Variants in RORA observed in about 807,000 individuals in gnomAD.
The protein encoded by RORA is RAR related orphan receptor A.
A neutral mutation model predicts 69.5 loss-of-function variants in RORA; 7 were observed. The observed-to-expected ratio is 0.10, with a 90% CI of 0.06 to 0.19. The LOEUF is 0.19. RORA is among the 10% of genes least tolerant of loss of function. The pLI is 1.00. For synonymous variants in RORA, 261 were observed against 240.8 expected, an observed-to-expected ratio of 1.08 and a Z score of -0.78; for missense variants, 457 against 663.0, an observed-to-expected ratio of 0.69 and a Z score of 3.41.
intron 1 of RORA, among the ~76,000 whole-genome samples, chr15:60,707,744 G>C (rs1200546705): frequency 6.6e-6 from 1 of 152,098 alleles, no homozygotes; most frequent in Non-Finnish European, 1.5e-5. Flanking sequence ...TAACCTCGTT[G>C]ACCTCTTCCT....
At chr15:60,911,155 G>C (rs1566906546) in intron 1 of RORA, among the ~76,000 whole-genome samples, 2 of 133,530 alleles carry the variant, frequency 1.5e-5, no homozygotes, top group Non-Finnish European at 3.1e-5. Flanking sequence ...GGCTGGTCTC[G>C]AATTCCTGAC....
chr15:60,775,598 C>T (rs1005456914), intron 1 of RORA, among the ~76,000 whole-genome samples: 1 of 152,118 alleles, frequency 6.6e-6, no homozygotes, highest in Non-Finnish European at 1.5e-5. Flanking sequence ...TTGCTCTTTT[C>T]CCCTCCCTGA....
chr15:60,610,152 G>A (rs541423188), intron 2 of RORA, among the ~76,000 whole-genome samples: 3 of 151,152 alleles, frequency 2.0e-5, no homozygotes, highest in Admixed American at 2.0e-4. Context: ...AGCTCACGTG[G>A]CAATGTCCTT....
chr15:61,102,519 A>G (rs2078894272), intron 1 of RORA, among the ~76,000 whole-genome samples: 3 of 152,076 alleles, frequency 2.0e-5, no homozygotes, highest in Admixed American at 6.6e-5. Flanking sequence ...CTGACATCCA[A>G]AGCTCTTCTT....
rs559900574 is a variant in RORA at position 60,663,608 on chromosome 15, A to G, written c.196+15049T>C. On this transcript the variant is annotated intron_variant, in intron 2 of 10. Coordinates refer to ENST00000335670, the MANE Select transcript of RORA (RefSeq NM_134261.3). ...GTAGTTGGGATCACAGGCATACGCC[A>G]CCATACCCGGCTAATTTTGTGTTTT... Among the ~76,000 whole-genome samples, 8 of 152,304 alleles carry G rather than the reference A, an allele frequency of 5.3e-5. No homozygotes were observed. The South Asian group carries it at 1.7e-3, about 32-fold the overall frequency.
intron 1 of RORA, among the ~76,000 whole-genome samples, chr15:61,015,036 T>A (rs1345242758): frequency 6.6e-6 from 1 of 152,224 alleles, no homozygotes; most frequent in Non-Finnish European, 1.5e-5. Context: ...GGATCTCTCC[T>A]ATAGCCCGAA....
At chr15:61,182,557 C>T (rs1219388470) in intron 1 of RORA, among the ~76,000 whole-genome samples, 1 of 152,200 alleles carries the variant, frequency 6.6e-6, no homozygotes, top group Non-Finnish European at 1.5e-5. Flanking sequence ...AGCCACAGTG[C>T]TGTTTCCAGT....
chr15:61,211,555 C>T (rs1305456332), intron 1 of RORA, among the ~76,000 whole-genome samples: 1 of 152,172 alleles, frequency 6.6e-6, no homozygotes, highest in African/African-American at 2.4e-5. Context: ...TGGGTGAAGG[C>T]CTCTAATTTC....
intron 1 of RORA, chr15:60,848,486 G>C (rs186687249): frequency 6.6e-6 from 1 of 152,280 alleles, no homozygotes; most frequent in Non-Finnish European, 1.5e-5. Context: ...CCAGGAGCTG[G>C]AAAAGCCCAA....
chr15:60,592,468 G>GC, intron 2 of RORA: 1 of 1,367,882 alleles, frequency 7.3e-7, no homozygotes, highest in African/African-American at 1.5e-5. Context: ...CGACCCCGGA[G>GC]CCCCCTCTGC....
intron 1 of RORA, among the ~76,000 whole-genome samples, chr15:61,002,069 G>A (rs1380567055): frequency 4.6e-5 from 7 of 152,344 alleles, no homozygotes; most frequent in South Asian, 2.1e-4. Flanking sequence ...CTGTTGAGGC[G>A]GGCTGACTGG....
At chr15:60,946,972 T>G (rs982742969) in intron 1 of RORA, among the ~76,000 whole-genome samples, 1 of 149,328 alleles carries the variant, frequency 6.7e-6, no homozygotes, top group Non-Finnish European at 1.5e-5. Context: ...CTCTGAGAAG[T>G]GAGGAGCCCC....
At chr15:60,530,288 A>ATTAT (rs1406371544) in intron 3 of RORA, 1 of 152,152 alleles carries the variant, frequency 6.6e-6, no homozygotes, top group African/African-American at 2.4e-5. Flanking sequence ...TTGTTTTTTC[A>ATTAT]TTATTTTTAT....
chr15:61,174,190 G>C (rs1393518679), intron 1 of RORA, among the ~76,000 whole-genome samples: 3 of 152,154 alleles, frequency 2.0e-5, no homozygotes, highest in Non-Finnish European at 2.9e-5. Context: ...TCCCAGGCCT[G>C]GCTCAAAGGT....
chr15:61,178,004 A>G (rs1311741652), intron 1 of RORA, among the ~76,000 whole-genome samples: 1 of 151,996 alleles, frequency 6.6e-6, no homozygotes, highest in Non-Finnish European at 1.5e-5. Flanking sequence ...GAGAAAAAGA[A>G]GGAAAGAAGG....
chr15:61,217,140 T>C (rs1451877944), intron 1 of RORA, among the ~76,000 whole-genome samples: 7 of 152,192 alleles, frequency 4.6e-5, no homozygotes, highest in African/African-American at 1.4e-4. Context: ...CAAACACCTC[T>C]GCAGGACAAT....
chr15:60,562,220 C>A (rs1292523315), intron 2 of RORA, among the ~76,000 whole-genome samples: 1 of 152,100 alleles, frequency 6.6e-6, no homozygotes, highest in East Asian at 1.9e-4. Context: ...TAGGCATGAG[C>A]CACTGCGCCC....
chr15:60,709,485 G>A (rs1000673371), intron 1 of RORA, among the ~76,000 whole-genome samples: 2 of 152,122 alleles, frequency 1.3e-5, no homozygotes, highest in Admixed American at 6.5e-5. Context: ...GTTAGGAACT[G>A]GACCGCACAG....
chr15:60,881,559 C>T (rs2140447629), intron 1 of RORA, among the ~76,000 whole-genome samples: 1 of 152,342 alleles, frequency 6.6e-6, no homozygotes. Context: ...CACTCTGTCA[C>T]TGTCATTTCA....
Sources: gnomAD v4.1 joint callset for allele counts (sites outside exome capture counted in the v4.1 genomes callset) on GRCh38, gnomAD v4.1.1 for gene constraint, MANE v1.5 for transcripts, NCBI Gene and HGNC (gene_info 2026-07-23, HGNC 2026-07-21) for gene names.